ZBTB43: variants seen among roughly 807,000 people sequenced by gnomAD.
ZBTB43 encodes zinc finger and BTB domain containing 43.
ZBTB43 carries 6 observed loss-of-function variants against 31.1 expected under a neutral mutation model. The observed-to-expected ratio is 0.19, with a 90% CI of 0.11 to 0.38. The LOEUF (loss-of-function observed/expected upper bound fraction) is 0.38, where lower values mean the gene tolerates loss of function less well. ZBTB43 is among the 10% of genes least tolerant of loss of function. The probability of loss-of-function intolerance (pLI) is 1.00; values close to 1 mark genes in which losing one functional copy is unlikely to be tolerated. For synonymous variants in ZBTB43, 212 were observed against 221.7 expected (o/e 0.96, Z 0.39); for missense variants, 379 against 602.1 (o/e 0.63, Z 3.88).
chr9:126,805,389 C>CGCG, intron 1 of ZBTB43, among the ~76,000 whole-genome samples: 1 of 152,216 alleles, frequency 6.6e-6, no homozygotes, highest in East Asian at 1.9e-4. Context: ...AGGTCACCCT[C>CGCG]GCGGCGGCGG....
chr9:126,813,610 C>G (rs752168063), intron 2 of ZBTB43, among the ~76,000 whole-genome samples: 4 of 152,026 alleles, frequency 2.6e-5, no homozygotes, highest in Non-Finnish European at 4.4e-5. Context: ...AGGATCTTGC[C>G]GTTAGTGTGA....
At chr9:126,827,502 G>A (rs906280329) in intron 2 of ZBTB43, among the ~76,000 whole-genome samples, 3 of 152,080 alleles carry the variant, frequency 2.0e-5, no homozygotes, top group Non-Finnish European at 4.4e-5. Context: ...AGCTTCAGCA[G>A]CCTCCCTCCA....
rs376815314 is a variant in ZBTB43 at position 126,832,372 on chromosome 9, G to A, written c.-23-115G>A. ...GGGATTGAATCCCTTACCCAGTGGG[G>A]CCCATAGGCTAGAGGACTTTGTGGA... On this transcript the variant is annotated intron_variant, in intron 2 of 2. Transcript: ENST00000373464. 369 of 968,432 alleles carry A rather than the reference G, an allele frequency of 3.8e-4. 8 individuals are homozygous for A. In the East Asian group the frequency reaches 4.2e-3, roughly 11 times the overall value. The allele number at this position is 968,432 out of a possible 1,614,324, so 60.0% of individuals were successfully genotyped here.
In ZBTB43 at chr9:126,817,628, A is replaced by G. The variant is rs146760838; in HGVS notation, c.-24+8713A>G. Among the ~76,000 whole-genome samples, 566 of 152,080 alleles carry G rather than the reference A, an allele frequency of 3.7e-3. 6 individuals are homozygous for G. The highest frequency in any genetic ancestry group is 0.013 in the African/African-American group (523 of 41,454). On this transcript the variant is annotated intron_variant, in intron 2 of 2. Transcript: ENST00000373464. ...GCAGCTGGGACTACAGGTGCCTGCCACCACGCCCGGCTAATTATTTTATAT... is the reference window on the plus strand; with the variant it reads ...GCAGCTGGGACTACAGGTGCCTGCCGCCACGCCCGGCTAATTATTTTATAT...
At position 126,833,179 on chromosome 9, in the gene ZBTB43, G is replaced by A. The variant is rs1260332530; in HGVS notation, c.670G>A (p.Glu224Lys). ...DGEEGASDSA[E>K]FHYTRPMYSK... ...GGAGGAGGGCGCCAGCGACAGCGCC[G>A]AGTTCCACTACACCCGGCCCATGTA... Residue 224 changes from glutamate to lysine, a missense_variant, in exon 3 of 3, where the codon GAG becomes AAG. This residue lies in a region of ZBTB43 where 253 missense variants were observed against 322.3 expected (regional missense o/e 0.79). Coordinates refer to ENST00000373464, the MANE Select transcript of ZBTB43 (RefSeq NM_014007.4). The surrounding 1 kb of genome is among the most constrained non-coding windows in gnomAD (Gnocchi z 7.9). 5.6e-6 allele frequency: 9 copies of A among 1,613,664 alleles called. No homozygotes were observed. Among genetic ancestry groups the A allele is most frequent in the Admixed American group, 5.0e-5 (3 of 60,006 alleles).
intron 2 of ZBTB43, among the ~76,000 whole-genome samples, chr9:126,816,623 G>A (rs2032391815): frequency 1.3e-5 from 2 of 152,168 alleles, no homozygotes; most frequent in Non-Finnish European, 1.5e-5. Flanking sequence ...GTCCCTTGTT[G>A]TATACCCGAA....
At chr9:126,832,304 G>A in intron 2 of ZBTB43, 183 bp from the exon 3 acceptor site, 1 of 593,910 alleles carries the variant, frequency 1.7e-6, no homozygotes, top group East Asian at 2.9e-5. Context: ...GAGTGGTGGT[G>A]AGTCCTGCCT....
intron 2 of ZBTB43, among the ~76,000 whole-genome samples, chr9:126,825,842 A>AATT (rs761372574): frequency 1.1e-4 from 10 of 91,200 alleles, no homozygotes; most frequent in African/African-American, 3.4e-4. Flanking sequence ...TCCTTTTTAT[A>AATT]TTTTTTTTTT....
rs1283698809 is a variant in ZBTB43, at chr9:126,815,266, A to ATT, written c.-24+6352_-24+6353insTT. 3.2e-3 allele frequency among the ~76,000 whole-genome samples: 409 copies of ATT among 128,762 alleles called. 7 individuals carry two copies. The highest frequency in any genetic ancestry group is 0.011 in the African/African-American group (382 of 34,794). The allele number at this position is 128,762 out of a possible 152,430, so 84.5% of individuals were successfully genotyped here. A position where few individuals can be genotyped will look rare whatever the true frequency, so the allele number is the denominator to read the frequency against. ...ACTATATATATATAGTTTTCAATAT[A>ATT]TAAAACTATATATATATAGTTTTCA... On this transcript the variant is annotated intron_variant, in intron 2 of 2. Coordinates refer to ENST00000373464, the MANE Select transcript of ZBTB43 (RefSeq NM_014007.4).
chr9:126,822,327 T>A (rs2032530864), intron 2 of ZBTB43, among the ~76,000 whole-genome samples: 1 of 152,186 alleles, frequency 6.6e-6, no homozygotes, highest in African/African-American at 2.4e-5. Context: ...TTAAAAAGAT[T>A]GACTCAAATG....
chr9:126,830,892 G>T (rs1252871888), intron 2 of ZBTB43, among the ~76,000 whole-genome samples: 1 of 152,092 alleles, frequency 6.6e-6, no homozygotes, highest in Non-Finnish European at 1.5e-5. Flanking sequence ...CACAGGCAAT[G>T]CCTTAGTCTT....
intron 1 of ZBTB43, among the ~76,000 whole-genome samples, chr9:126,805,658 A>G (rs749056367): frequency 2.6e-5 from 4 of 152,082 alleles, no homozygotes; most frequent in Non-Finnish European, 5.9e-5. Flanking sequence ...TGTCAACCTG[A>G]TATTTCTCTC....
At chr9:126,830,884 C>A (rs1160441313) in intron 2 of ZBTB43, among the ~76,000 whole-genome samples, 1 of 152,128 alleles carries the variant, frequency 6.6e-6, no homozygotes, top group Non-Finnish European at 1.5e-5. Flanking sequence ...AGTAGCAACA[C>A]AGGCAATGCC....
At chr9:126,814,220 A>G (rs1032230831) in intron 2 of ZBTB43, among the ~76,000 whole-genome samples, 1 of 151,598 alleles carries the variant, frequency 6.6e-6, no homozygotes, top group South Asian at 2.1e-4. Flanking sequence ...AGTAAACTTC[A>G]TTGTGAATTA....
At chr9:126,809,948 C>T (rs746092590) in intron 2 of ZBTB43, among the ~76,000 whole-genome samples, 17 of 150,238 alleles carry the variant, frequency 1.1e-4, no homozygotes, top group African/African-American at 1.7e-4. Flanking sequence ...CAGTTCTCTG[C>T]CTCAGCCTTC....
chr9:126,809,683 T>G lies in ZBTB43; in HGVS notation c.-24+768T>G, dbSNP rs145759468. ...ATCTTGAAGGTCATCTAGTTCAGGATTTCTTCAGTATGTTGCCCTTCATCT... is the reference window on the plus strand; with the variant it reads ...ATCTTGAAGGTCATCTAGTTCAGGAGTTCTTCAGTATGTTGCCCTTCATCT... On this transcript the variant is annotated intron_variant, in intron 2 of 2. Coordinates refer to ENST00000373464, the MANE Select transcript of ZBTB43 (RefSeq NM_014007.4). 6.5e-3 allele frequency among the ~76,000 whole-genome samples: 994 copies of G among 152,312 alleles called. 8 individuals carry two copies. The highest frequency in any genetic ancestry group is 0.012 in the Non-Finnish European group (841 of 68,032).
intron 2 of ZBTB43, among the ~76,000 whole-genome samples, chr9:126,826,420 T>C (rs2032637525): frequency 6.7e-6 from 1 of 149,482 alleles, no homozygotes; most frequent in East Asian, 2.1e-4. Context: ...GTGCTGAGAT[T>C]ACAGGCGTGC....
intron 2 of ZBTB43, among the ~76,000 whole-genome samples, chr9:126,810,837 G>A (rs2032233152): frequency 6.6e-6 from 1 of 151,902 alleles, no homozygotes; most frequent in African/African-American, 2.4e-5. Flanking sequence ...GTCAGCGTGC[G>A]AAAGTTTGTG....
intron 1 of ZBTB43, among the ~76,000 whole-genome samples, chr9:126,806,653 A>G (rs2032133035): frequency 1.3e-5 from 2 of 152,234 alleles, no homozygotes; most frequent in Admixed American, 1.3e-4. Flanking sequence ...TTTATACAAT[A>G]CAAAAAACAA....
Sources: gnomAD v4.1 joint callset for allele counts (sites outside exome capture counted in the v4.1 genomes callset) on GRCh38, gnomAD v4.1.1 for gene constraint, gnomAD v4.1.1 regional missense constraint, Gnocchi (gnomAD v3.1) non-coding constraint, MANE v1.5 for transcripts, NCBI Gene and HGNC (gene_info 2026-07-23, HGNC 2026-07-21) for gene names.